DTNA: variants seen among roughly 807,000 people sequenced by gnomAD.
The protein encoded by DTNA is dystrophin-related protein 3.
In DTNA, 43 loss-of-function variants were observed where a neutral mutation model predicts 100.7. The ratio of observed to expected loss-of-function variants is 0.43; its 90% CI spans 0.33 to 0.55. DTNA has a LOEUF of 0.55. Among genes scored for constraint, DTNA ranks in the 20% least tolerant of loss-of-function variants. The probability of loss-of-function intolerance (pLI) is 0.04; values close to 1 mark genes in which losing one functional copy is unlikely to be tolerated. For synonymous variants in DTNA, 349 were observed against 347.9 expected (o/e 1.00, Z -0.04); for missense variants, 798 against 953.9 (o/e 0.84, Z 2.15).
chr18:34,765,052 G>A (rs1441514518), intron 2 of DTNA, among the ~76,000 whole-genome samples: 1 of 152,162 alleles, frequency 6.6e-6, no homozygotes, highest in African/African-American at 2.4e-5. Flanking sequence ...GACTGACCAA[G>A]GCTACGAGAG....
rs1339277694 is a variant in DTNA, at chr18:34,672,224, T to C, written c.-1-83752T>C. On this transcript the variant is annotated intron_variant, in intron 1 of 19. Coordinates refer to the DTNA transcript ENST00000283365. ...ATCACTGTGGGGTGGCATTTATCTA[T>C]ACTTAGTTTTAGTTTCATATTGCCC... is the stretch of plus-strand genomic sequence containing the variant. Among the ~76,000 whole-genome samples the C allele has an allele frequency of 2.0e-5, 3 of 152,028 alleles. No homozygotes were observed. In the East Asian group the frequency reaches 5.8e-4, roughly 29 times the overall value.
intron 22 of DTNA, among the ~76,000 whole-genome samples, chr18:34,886,087 G>A (rs756843204): frequency 6.6e-6 from 1 of 152,238 alleles, no homozygotes; most frequent in Admixed American, 6.5e-5. Context: ...CTGTACTGCA[G>A]TGGACAGTAA....
chr18:34,871,223 C>T (rs1160226179), intron 17 of DTNA, among the ~76,000 whole-genome samples: 1 of 152,162 alleles, frequency 6.6e-6, no homozygotes, highest in Non-Finnish European at 1.5e-5. Context: ...AAGCATCCCT[C>T]ATTTCTGGTG....
upstream of DTNA, among the ~76,000 whole-genome samples, chr18:34,707,022 A>T (rs951208161): frequency 6.6e-6 from 1 of 152,210 alleles, no homozygotes; most frequent in Non-Finnish European, 1.5e-5. Context: ...ATTTTTAACT[A>T]TGATGTGAAA....
intron 1 of DTNA, among the ~76,000 whole-genome samples, chr18:34,545,760 TG>T (rs1188690534): frequency 1.3e-5 from 2 of 152,114 alleles, no homozygotes; most frequent in African/African-American, 4.8e-5. Flanking sequence ...TTATTATAAA[TG>T]GCAATAGGTA....
intron 1 of DTNA, among the ~76,000 whole-genome samples, chr18:34,658,437 C>CT (rs1250512081): frequency 6.6e-6 from 1 of 152,184 alleles, no homozygotes; most frequent in Non-Finnish European, 1.5e-5. Flanking sequence ...ACTGTAATCT[C>CT]TGCCCCCCGG....
At chr18:34,760,508 T>C (rs956893242) in intron 2 of DTNA, among the ~76,000 whole-genome samples, 9 of 152,202 alleles carry the variant, frequency 5.9e-5, no homozygotes, top group African/African-American at 1.9e-4. Flanking sequence ...GCACATAAAC[T>C]AAACTTCCCT....
intron 6 of DTNA, among the ~76,000 whole-genome samples, chr18:34,815,425 C>G (rs893521954): frequency 6.6e-6 from 1 of 152,142 alleles, no homozygotes; most frequent in African/African-American, 2.4e-5. Context: ...CCCTCCTGCT[C>G]TTGTATAACA....
chr18:34,819,781 A>G (rs1209775468), intron 8 of DTNA, among the ~76,000 whole-genome samples: 4 of 152,044 alleles, frequency 2.6e-5, no homozygotes, highest in African/African-American at 9.7e-5. Flanking sequence ...ACATCTCCTA[A>G]CAAAAGCCAG....
At chr18:34,874,198 C>A (rs1181995576) in intron 17 of DTNA, among the ~76,000 whole-genome samples, 3 of 152,126 alleles carry the variant, frequency 2.0e-5, no homozygotes, top group Non-Finnish European at 2.9e-5. Flanking sequence ...TGGTATACAT[C>A]TAGGAGTTTG....
chr18:34,666,560 A>G (rs1473438402), intron 1 of DTNA, among the ~76,000 whole-genome samples: 4 of 152,144 alleles, frequency 2.6e-5, no homozygotes, highest in Non-Finnish European at 5.9e-5. Context: ...TTTAGGTCTA[A>G]CGTTTAAGTC....
At chr18:34,795,652 A>G (rs1316073190) in intron 4 of DTNA, among the ~76,000 whole-genome samples, 2 of 152,212 alleles carry the variant, frequency 1.3e-5, no homozygotes, top group African/African-American at 4.8e-5. Context: ...CAAGAGACTT[A>G]TTTGTTAGAA....
At chr18:34,565,245 C>T (rs2046985420) in intron 1 of DTNA, among the ~76,000 whole-genome samples, 1 of 152,176 alleles carries the variant, frequency 6.6e-6, no homozygotes, top group South Asian at 2.1e-4. Flanking sequence ...CTATTTCATT[C>T]TTTCAGCACT....
intron 1 of DTNA, among the ~76,000 whole-genome samples, chr18:34,621,560 GA>G (rs1161780152): frequency 1.3e-5 from 2 of 152,092 alleles, no homozygotes; most frequent in Admixed American, 1.3e-4. Flanking sequence ...CATGTTAAGT[GA>G]AATAAGCCAG....
At chr18:34,644,723 T>C (rs2059648930) in intron 1 of DTNA, among the ~76,000 whole-genome samples, 1 of 152,118 alleles carries the variant, frequency 6.6e-6, no homozygotes, top group Admixed American at 6.5e-5. Context: ...TCAACCAGTC[T>C]TTTTCCTTCA....
rs1240978 is a variant in DTNA at position 34,648,091 on chromosome 18, G to A, written c.-1-107885G>A. On this transcript the variant is annotated intron_variant, in intron 1 of 19. Transcript: ENST00000283365. Reference sequence around the variant, plus strand: ...TGGTGGACAACATTTTTCAGGAAGAGGGAACAGCATATTAAAGCATCTGAG... The same window carrying A: ...TGGTGGACAACATTTTTCAGGAAGAAGGAACAGCATATTAAAGCATCTGAG... Among the ~76,000 whole-genome samples, 264 of 152,270 alleles carry A rather than the reference G, an allele frequency of 1.7e-3. 3 individuals carry two copies. The highest frequency in any genetic ancestry group is 6.1e-3 in the African/African-American group (253 of 41,568).
chr18:34,744,474 GC>G (rs1229115935), intron 1 of DTNA, among the ~76,000 whole-genome samples: 4 of 152,092 alleles, frequency 2.6e-5, no homozygotes, highest in African/African-American at 9.7e-5. Flanking sequence ...ATATCATGAG[GC>G]TTTCTGTCTA....
At chr18:34,574,604 G>A (rs2047930488) in intron 1 of DTNA, 1 of 152,242 alleles carries the variant, frequency 6.6e-6, no homozygotes, top group Admixed American at 6.5e-5. Flanking sequence ...AGAACAGCTT[G>A]AAGCCAACAG....
chr18:34,804,573 G>A (rs1233049459), intron 4 of DTNA, among the ~76,000 whole-genome samples: 1 of 152,096 alleles, frequency 6.6e-6, no homozygotes, highest in South Asian at 2.1e-4. Flanking sequence ...AATCAAAGGC[G>A]ACCCCAACTC....
Sources: gnomAD v4.1 joint callset for allele counts (sites outside exome capture counted in the v4.1 genomes callset) on GRCh38, gnomAD v4.1.1 for gene constraint, MANE v1.5 for transcripts, NCBI Gene and HGNC (gene_info 2026-07-23, HGNC 2026-07-21) for gene names.